UTP4: variants seen among roughly 807,000 people sequenced by gnomAD.
The protein encoded by UTP4 is UTP4 small subunit processome component, also known as U3 small nucleolar RNA-associated protein 4 homolog.
In UTP4, 45 loss-of-function variants were observed where a neutral mutation model predicts 82.4. The ratio of observed to expected loss-of-function variants is 0.55; its 90% CI spans 0.43 to 0.70. UTP4 has a LOEUF of 0.70. Ranked by LOEUF, UTP4 falls within the 30% of genes least tolerant of loss-of-function variation. The probability of loss-of-function intolerance (pLI) is 0.00; values close to 1 mark genes in which losing one functional copy is unlikely to be tolerated. For missense variants in UTP4, 819 were observed against 858.3 expected (o/e 0.95, Z 0.57); for synonymous variants, 348 against 300.3 (o/e 1.16, Z -1.64).
At chr16:69,168,565 G>A (rs1395302701) in intron 16 of UTP4, among the ~76,000 whole-genome samples, 1 of 151,772 alleles carries the variant, frequency 6.6e-6, no homozygotes, top group Non-Finnish European at 1.5e-5. Context: ...TTCAGTGCAC[G>A]TTGATCATGT....
At chr16:69,164,289 AAGCC>A in intron 14 of UTP4, among the ~76,000 whole-genome samples, 1 of 152,234 alleles carries the variant, frequency 6.6e-6, no homozygotes, top group Non-Finnish European at 1.5e-5. Flanking sequence ...AAGAGTAGTG[AAGCC>A]ACACATCTTT....
chr16:69,167,869 C>G (rs1175001018), intron 16 of UTP4: 1 of 151,754 alleles, frequency 6.6e-6, no homozygotes, highest in African/African-American at 2.4e-5. Context: ...TAAAAATTAG[C>G]TAGGTGTGGT....
chr16:69,157,275 T>A (rs201945189), intron 12 of UTP4, 35 bp downstream of exon 12: 23 of 1,610,570 alleles, frequency 1.4e-5, no homozygotes, highest in Admixed American at 3.4e-5. Flanking sequence ...GGGAGACTTG[T>A]CGTGTCTAAG....
intron 6 of UTP4, among the ~76,000 whole-genome samples, chr16:69,148,815 A>G (rs1052281546): frequency 6.6e-6 from 1 of 151,928 alleles, no homozygotes; most frequent in Admixed American, 6.6e-5. Flanking sequence ...TATGTTGCCC[A>G]GGTTGGTCTC....
At chr16:69,132,880 C>G (rs1052579462) in intron 1 of UTP4, 191 bp downstream of exon 1, 2 of 202,320 alleles carry the variant, frequency 9.9e-6, no homozygotes, top group African/African-American at 4.8e-5. Flanking sequence ...CTCAGACGCC[C>G]CGGCCCGACC....
intron 16 of UTP4, chr16:69,167,638 CAA>C (rs144026751): frequency 6.9e-4 from 91 of 131,344 alleles, no homozygotes; most frequent in Middle Eastern, 7.6e-3. Context: ...TCACTATTAA[CAA>C]AAAAAAAAAA....
At chr16:69,133,985 G>T (rs912740855) in intron 2 of UTP4, among the ~76,000 whole-genome samples, 3 of 152,116 alleles carry the variant, frequency 2.0e-5, no homozygotes, top group African/African-American at 7.2e-5. Flanking sequence ...TGTCAATTCA[G>T]AAAAAATGAT....
At position 69,155,996 on chromosome 16, in the gene UTP4, A is replaced by G. The variant is rs1056659683; in HGVS notation, c.1287+3A>G. 44 of 1,614,066 alleles carry G rather than the reference A, an allele frequency of 2.7e-5. No homozygotes were observed. Among genetic ancestry groups the G allele is most frequent in the Non-Finnish European group, 3.5e-5 (41 of 1,179,996 alleles). ...ATGACAACATAAGCCTCAAAAGGGT[A>G]AGTGATAGTCCAATATCTGGTCACA... is the stretch of plus-strand genomic sequence containing the variant. On this transcript the variant is annotated splice_donor_region_variant and intron_variant, in intron 11 of 16. Transcript: ENST00000314423.
Position 69,150,581 on chromosome 16 carries a change from C to T in UTP4, c.783C>T (p.Phe261=). The change falls in exon 7 of 17, where the codon TTC becomes TTT. Residue 261 remains phenylalanine, a synonymous_variant. Coordinates refer to ENST00000314423, the MANE Select transcript of UTP4 (RefSeq NM_032830.3). ...FVVGTAEGTV[F]HFQLVPVTSN... ...TGGGCACAGCCGAGGGAACAGTCTT[C>T]CATTTTCAGCTGGTCCCTGTGACAT... 1.2e-6 allele frequency: 2 copies of T among 1,614,228 alleles called. No individual in the cohort carries two copies. Among genetic ancestry groups the T allele is most frequent in the Admixed American group, 3.3e-5 (2 of 60,028 alleles).
At chr16:69,145,834 G>A (rs559977001) in intron 6 of UTP4, among the ~76,000 whole-genome samples, 9 of 152,268 alleles carry the variant, frequency 5.9e-5, no homozygotes, top group Non-Finnish European at 1.3e-4. Flanking sequence ...TTTGGAGCCA[G>A]ATGGCCGTGT....
chr16:69,150,987 C>A, intron 8 of UTP4, 83 bp downstream of exon 8: 2 of 1,054,868 alleles, frequency 1.9e-6, no homozygotes, highest in Non-Finnish European at 2.9e-6. Flanking sequence ...GAACACAGCT[C>A]ACGCTCGGCA....
At chr16:69,149,051 G>C (rs1042066844) in intron 6 of UTP4, among the ~76,000 whole-genome samples, 9 of 151,942 alleles carry the variant, frequency 5.9e-5, no homozygotes, top group African/African-American at 2.2e-4. Flanking sequence ...TTTGAGACCA[G>C]CCTGGCAAAC....
chr16:69,161,568 GAC>G (rs1963562359), intron 13 of UTP4, among the ~76,000 whole-genome samples: 1 of 151,110 alleles, frequency 6.6e-6, no homozygotes, highest in African/African-American at 2.4e-5. Context: ...CCTATTCAAT[GAC>G]ACATTTATAA....
intron 2 of UTP4, among the ~76,000 whole-genome samples, chr16:69,134,341 A>G (rs1962748215): frequency 6.6e-6 from 1 of 152,058 alleles, no homozygotes; most frequent in African/African-American, 2.4e-5. Flanking sequence ...TTCTCGGTGA[A>G]TGAGTGGCAA....
chr16:69,150,442 T>C, intron 6 of UTP4, 95 bp from the exon 7 acceptor site: 2 of 1,354,110 alleles, frequency 1.5e-6, no homozygotes, highest in East Asian at 4.6e-5. Context: ...GGCATAGGTT[T>C]ACCCCTAAGC....
At position 69,150,472 on chromosome 16, in the gene UTP4, G is replaced by A. The variant is rs1425805550; in HGVS notation, c.739-65G>A. 5.8e-5 allele frequency: 92 copies of A among 1,573,080 alleles called. 1 individual carries two copies. In the South Asian group the frequency reaches 6.4e-4, roughly 11 times the overall value. On this transcript the variant is annotated intron_variant, in intron 6 of 16. Coordinates refer to ENST00000314423, the MANE Select transcript of UTP4 (RefSeq NM_032830.3). ...CTAAGCTGCTGAGACAGAAAGCCTC[G>A]GAATATTTTTCCAACCAGACCTTGT...
intron 16 of UTP4, 37 bp from the exon 17 acceptor site, chr16:69,168,784 C>T (rs1963766650): frequency 7.5e-7 from 1 of 1,327,022 alleles, no homozygotes. Flanking sequence ...AGCCCTGGAT[C>T]CTAAGTCCTG....
chr16:69,140,452 A>G (rs995562677), intron 5 of UTP4, among the ~76,000 whole-genome samples: 1 of 152,166 alleles, frequency 6.6e-6, no homozygotes, highest in Non-Finnish European at 1.5e-5. Flanking sequence ...GCGGTGGCTC[A>G]TGCCTGTAAT....
chr16:69,140,891 A>G (rs1962941623), intron 5 of UTP4, among the ~76,000 whole-genome samples: 1 of 152,148 alleles, frequency 6.6e-6, no homozygotes, highest in African/African-American at 2.4e-5. Context: ...ACCGTCTGCC[A>G]CAGGCATCCA....
Sources: allele counts gnomAD v4.1 joint callset (sites outside exome capture counted in the v4.1 genomes callset), GRCh38; gene constraint gnomAD v4.1.1; transcripts MANE v1.5; gene names NCBI Gene and HGNC (gene_info 2026-07-23, HGNC 2026-07-21).